NKAIN3: variants seen among roughly 807,000 people sequenced by gnomAD.
NKAIN3 encodes the protein sodium/potassium-transporting ATPase subunit beta-1-interacting protein 3.
In NKAIN3, 25 loss-of-function variants were observed where a neutral mutation model predicts 30.2. The ratio of observed to expected loss-of-function variants is 0.83; its 90% CI spans 0.60 to 1.16. The LOEUF (loss-of-function observed/expected upper bound fraction) is 1.16, where lower values mean the gene tolerates loss of function less well. NKAIN3 is among the 50% of genes most tolerant of loss of function. The pLI, the probability that NKAIN3 is intolerant of heterozygous loss-of-function variation, is 0.00. For missense variants in NKAIN3, 225 were observed against 254.1 expected (o/e 0.89, Z 0.78); for synonymous variants, 91 against 89.6 (o/e 1.02, Z -0.09).
chr8:62,947,950 G>A (rs1823172060), intron 5 of NKAIN3, among the ~76,000 whole-genome samples: 1 of 152,208 alleles, frequency 6.6e-6, no homozygotes, highest in Admixed American at 6.6e-5. Flanking sequence ...CAATACATGA[G>A]CAAAACAAAT....
At chr8:62,570,923 C>T (rs892333749) in intron 1 of NKAIN3, among the ~76,000 whole-genome samples, 7 of 152,246 alleles carry the variant, frequency 4.6e-5, no homozygotes, top group Admixed American at 6.5e-5. Context: ...TTTGATCAAA[C>T]GATAGTTTCA....
chr8:62,308,529 A>G (rs1314959888), intron 1 of NKAIN3, among the ~76,000 whole-genome samples: 1 of 150,716 alleles, frequency 6.6e-6, no homozygotes, highest in Non-Finnish European at 1.5e-5. Flanking sequence ...GCAAGTGTGG[A>G]TACAGGAGAA....
chr8:62,763,369 A>G (rs1816735152), intron 4 of NKAIN3, among the ~76,000 whole-genome samples: 1 of 151,984 alleles, frequency 6.6e-6, no homozygotes, highest in South Asian at 2.1e-4. Flanking sequence ...GTCATTTCAT[A>G]ATGGCTTAAA....
chr8:62,589,687 C>T (rs1391307301), intron 2 of NKAIN3, 27 bp from the exon 3 acceptor site: 2 of 1,148,100 alleles, frequency 1.7e-6, no homozygotes, highest in Non-Finnish European at 2.6e-6. Flanking sequence ...TTTTTCTTCT[C>T]TTTCTCCCTC....
chr8:62,756,276 T>C (rs1340696602), intron 4 of NKAIN3, among the ~76,000 whole-genome samples: 1 of 152,164 alleles, frequency 6.6e-6, no homozygotes. Flanking sequence ...AAGAAACTAC[T>C]AATCTAATTT....
intron 1 of NKAIN3, among the ~76,000 whole-genome samples, chr8:62,500,990 A>G (rs1024254436): frequency 6.6e-6 from 1 of 152,184 alleles, no homozygotes; most frequent in Non-Finnish European, 1.5e-5. Context: ...AAAGAAAAAA[A>G]TTGAGAAAAT....
At chr8:62,704,978 C>A (rs1586108971) in intron 3 of NKAIN3, among the ~76,000 whole-genome samples, 1 of 152,240 alleles carries the variant, frequency 6.6e-6, no homozygotes, top group Non-Finnish European at 1.5e-5. Flanking sequence ...TACTTTAAAT[C>A]CAATGCCAAA....
chr8:62,450,097 G>C (rs1018020330), intron 1 of NKAIN3, among the ~76,000 whole-genome samples: 4 of 152,136 alleles, frequency 2.6e-5, no homozygotes, highest in African/African-American at 4.8e-5. Flanking sequence ...ATATTGGCAA[G>C]AGCACAGGAA....
intron 3 of NKAIN3, among the ~76,000 whole-genome samples, chr8:62,718,611 A>C (rs1025797506): frequency 2.0e-5 from 3 of 152,148 alleles, no homozygotes; most frequent in African/African-American, 7.2e-5. Flanking sequence ...CCATTTTTTC[A>C]AAGTAGCTTA....
At position 62,783,081 on chromosome 8, in the gene NKAIN3, GATAAA is replaced by G. The variant is rs568244034; in HGVS notation, c.471+35964_471+35968del. Among the ~76,000 whole-genome samples, 822 of 151,978 alleles carry G rather than the reference GATAAA, an allele frequency of 5.4e-3. 5 individuals carry two copies. Among genetic ancestry groups the G allele is most frequent in the African/African-American group, 0.019 (788 of 41,452 alleles). On this transcript the variant is annotated intron_variant, in intron 4 of 6. Transcript: ENST00000623646. ...ACAAAAACATTATGTATTAATAAAA[GATAAA>G]ATAAAATAAAACTTTTTAAGTTTAC...
intron 5 of NKAIN3, among the ~76,000 whole-genome samples, chr8:62,997,157 C>A (rs1392269836): frequency 1.3e-5 from 2 of 152,278 alleles, no homozygotes; most frequent in South Asian, 4.1e-4. Flanking sequence ...GAACTGTTTA[C>A]TGAAAGAAAT....
intron 2 of NKAIN3, among the ~76,000 whole-genome samples, chr8:62,587,261 A>G (rs1320018779): frequency 6.6e-6 from 1 of 151,984 alleles, no homozygotes; most frequent in Non-Finnish European, 1.5e-5. Context: ...AATCAAAAAT[A>G]TATATTTTCT....
At chr8:62,992,577 C>A (rs1432518271) in intron 5 of NKAIN3, among the ~76,000 whole-genome samples, 1 of 151,846 alleles carries the variant, frequency 6.6e-6, no homozygotes, top group East Asian at 1.9e-4. Flanking sequence ...GTTAGTGTTC[C>A]CTCACCCTCA....
Position 62,970,303 on chromosome 8 carries a change from T to G in NKAIN3, c.*4896T>G, listed in dbSNP as rs1823805484. 6.6e-6 allele frequency among the ~76,000 whole-genome samples: 1 copy of G among 152,090 alleles called. No homozygotes were observed. Among genetic ancestry groups the G allele is most frequent in the Non-Finnish European group, 1.5e-5 (1 of 68,016 alleles). ...TAAAGAATTCTCAAAAAAATGGAAT[T>G]ATCAAAAAATTCAAAAGTTATGGGT... On this transcript the variant is annotated 3_prime_UTR_variant, in exon 7 of 7. Coordinates refer to ENST00000623646, the MANE Select transcript of NKAIN3 (RefSeq NM_001304533.3).
intron 1 of NKAIN3, among the ~76,000 whole-genome samples, chr8:62,442,488 A>C (rs1204603839): frequency 6.6e-6 from 1 of 152,016 alleles, no homozygotes; most frequent in Non-Finnish European, 1.5e-5. Flanking sequence ...TAGACACTGA[A>C]AAATAAGTAT....
intron 1 of NKAIN3, among the ~76,000 whole-genome samples, chr8:62,503,045 A>G (rs1194233111): frequency 6.6e-6 from 1 of 152,176 alleles, no homozygotes; most frequent in Non-Finnish European, 1.5e-5. Context: ...GTGGTGGGCT[A>G]GCATTATCAC....
intron 3 of NKAIN3, among the ~76,000 whole-genome samples, chr8:62,613,788 T>C (rs1811362625): frequency 6.6e-6 from 1 of 152,136 alleles, no homozygotes; most frequent in Non-Finnish European, 1.5e-5. Flanking sequence ...CTTGATCAAT[T>C]CTAATATTAA....
chr8:62,712,938 C>T (rs1012169130), intron 3 of NKAIN3, among the ~76,000 whole-genome samples: 2 of 152,206 alleles, frequency 1.3e-5, no homozygotes, highest in Non-Finnish European at 2.9e-5. Flanking sequence ...TCACTTGGCT[C>T]TCTAAACTGA....
At chr8:62,299,796 A>G (rs993567443) in intron 1 of NKAIN3, among the ~76,000 whole-genome samples, 1 of 152,166 alleles carries the variant, frequency 6.6e-6, no homozygotes, top group Non-Finnish European at 1.5e-5. Flanking sequence ...TTTTAACAAT[A>G]TGTGAACACG....
Sources: allele counts gnomAD v4.1 joint callset (sites outside exome capture counted in the v4.1 genomes callset), GRCh38; gene constraint gnomAD v4.1.1; transcripts MANE v1.5; gene names NCBI Gene and HGNC (gene_info 2026-07-23, HGNC 2026-07-21).